CD86: variants seen among roughly 807,000 people sequenced by gnomAD.
CD86 encodes the protein CD86 molecule.
A neutral mutation model predicts 32.1 loss-of-function variants in CD86; 11 were observed. The ratio of observed to expected loss-of-function variants is 0.34; its 90% CI spans 0.22 to 0.57. CD86 has a LOEUF of 0.57. Ranked by LOEUF, CD86 falls within the 20% of genes least tolerant of loss-of-function variation. CD86 has a pLI of 0.86. For missense variants in CD86, 359 were observed against 398.4 expected (o/e 0.90, Z 0.84); for synonymous variants, 137 against 135.3 (o/e 1.01, Z -0.09).
At chr3:122,060,931 G>GA (rs963845392) in intron 1 of CD86, among the ~76,000 whole-genome samples, 26 of 151,508 alleles carry the variant, frequency 1.7e-4, no homozygotes, top group South Asian at 4.2e-4. Flanking sequence ...AACAGAATGG[G>GA]AAAAAAAACC....
intron 4 of CD86, among the ~76,000 whole-genome samples, chr3:122,108,006 T>G (rs1231711150): frequency 6.6e-6 from 1 of 152,220 alleles, no homozygotes; most frequent in African/African-American, 2.4e-5. Context: ...AATGTGTAAT[T>G]AGTTTGATTG....
intron 1 of CD86, among the ~76,000 whole-genome samples, chr3:122,085,832 T>C (rs775256804): frequency 2.6e-5 from 4 of 152,202 alleles, no homozygotes; most frequent in Non-Finnish European, 5.9e-5. Flanking sequence ...ACTGGAGCTC[T>C]ACTCTCCTCT....
At chr3:122,076,262 G>T (rs566135222) in intron 1 of CD86, among the ~76,000 whole-genome samples, 48 of 152,156 alleles carry the variant, frequency 3.2e-4, no homozygotes, top group Admixed American at 5.9e-4. Flanking sequence ...AAAGTTTGGG[G>T]AATACTACTC....
intron 3 of CD86, among the ~76,000 whole-genome samples, chr3:122,105,298 T>G (rs2073073763): frequency 6.6e-6 from 1 of 152,224 alleles, no homozygotes; most frequent in South Asian, 2.1e-4. Context: ...GTCTGGCAAT[T>G]CACCTTCTAC....
chr3:122,103,975 A>C (rs2073052216), intron 3 of CD86, 128 bp downstream of exon 3: 1 of 701,210 alleles, frequency 1.4e-6, no homozygotes, highest in African/African-American at 1.8e-5. Flanking sequence ...GAGAAGGCAG[A>C]GGACAGCCAC....
intron 1 of CD86, among the ~76,000 whole-genome samples, chr3:122,056,685 C>G (rs2072243406): frequency 6.6e-6 from 1 of 152,210 alleles, no homozygotes; most frequent in Admixed American, 6.5e-5. Flanking sequence ...TAACTTTCAT[C>G]TACCCAGTGC....
At chr3:122,114,749 G>GA (rs958083209) in intron 5 of CD86, among the ~76,000 whole-genome samples, 61 of 151,768 alleles carry the variant, frequency 4.0e-4, no homozygotes, top group African/African-American at 1.4e-3. Context: ...AAACTAAAAA[G>GA]AAAAAAACAT....
intron 4 of CD86, among the ~76,000 whole-genome samples, chr3:122,108,383 C>T (rs897859800): frequency 6.6e-6 from 1 of 152,184 alleles, no homozygotes; most frequent in South Asian, 2.1e-4. Flanking sequence ...GTGGAATAGA[C>T]TGGGACAGAC....
At chr3:122,115,665 G>A (rs758464269) in intron 5 of CD86, among the ~76,000 whole-genome samples, 19 of 149,838 alleles carry the variant, frequency 1.3e-4, no homozygotes, top group Admixed American at 2.0e-4. Context: ...GCTTGAACCC[G>A]GGAGGCAGAG....
chr3:122,119,601 C>A lies in CD86; in HGVS notation c.*67C>A, dbSNP rs144568590. The A allele has an allele frequency of 9.1e-5, 92 of 1,012,280 alleles. No homozygotes were observed. In the East Asian group the frequency reaches 2.1e-3, roughly 23 times the overall value. 62.7% of individuals were successfully genotyped at this position (1,012,280 alleles called of 1,614,324 possible). Reference sequence around the variant, plus strand: ...TTTCCTTTGTAAGTTCCTGGGCAACCTTTTTGATTTCTTCCAGAAGGCAAA... The same window carrying A: ...TTTCCTTTGTAAGTTCCTGGGCAACATTTTTGATTTCTTCCAGAAGGCAAA... On this transcript the variant is annotated 3_prime_UTR_variant, in exon 7 of 7. Coordinates refer to ENST00000330540, the MANE Select transcript of CD86 (RefSeq NM_175862.5).
intron 1 of CD86, among the ~76,000 whole-genome samples, chr3:122,071,244 C>A (rs935352588): frequency 6.6e-6 from 1 of 152,120 alleles, no homozygotes; most frequent in Admixed American, 6.6e-5. Flanking sequence ...TACAGAATAG[C>A]TTCACTGCCC....
At chr3:122,067,188 G>A (rs879675989) in intron 1 of CD86, among the ~76,000 whole-genome samples, 3 of 152,192 alleles carry the variant, frequency 2.0e-5, no homozygotes, top group East Asian at 3.8e-4. Context: ...TTGAATTCAC[G>A]CTTTGAAAGG....
chr3:122,075,844 G>C (rs2072547672), intron 1 of CD86, among the ~76,000 whole-genome samples: 2 of 152,200 alleles, frequency 1.3e-5, no homozygotes, highest in South Asian at 4.1e-4. Context: ...TGCTATGGAA[G>C]GGAAAACAAT....
intron 1 of CD86, among the ~76,000 whole-genome samples, chr3:122,083,808 A>G (rs1325552629): frequency 2.0e-5 from 3 of 152,194 alleles, no homozygotes; most frequent in African/African-American, 7.2e-5. Flanking sequence ...TGCCACCAAA[A>G]AATTTAAAAT....
chr3:122,091,532 G>A (rs1045273266), intron 1 of CD86, 69 bp from the exon 2 acceptor site: 2 of 1,268,528 alleles, frequency 1.6e-6, no homozygotes, highest in Admixed American at 1.7e-5. Context: ...TCCAGGTCAT[G>A]TTTTGGTGAA....
intron 1 of CD86, among the ~76,000 whole-genome samples, chr3:122,073,992 T>C (rs2072524091): frequency 6.6e-6 from 1 of 152,162 alleles, no homozygotes; most frequent in African/African-American, 2.4e-5. Context: ...TTCAAGAAGT[T>C]CACCTGGTAA....
chr3:122,068,741 C>G (rs2072448605), intron 1 of CD86, among the ~76,000 whole-genome samples: 1 of 151,994 alleles, frequency 6.6e-6, no homozygotes, highest in Non-Finnish European at 1.5e-5. Context: ...AATAATAGAC[C>G]ATCTTTTGTA....
chr3:122,066,594 A>G (rs1365584932), intron 1 of CD86, among the ~76,000 whole-genome samples: 1 of 152,178 alleles, frequency 6.6e-6, no homozygotes, highest in Non-Finnish European at 1.5e-5. Context: ...TTTTTAAAAA[A>G]TATTTATTGT....
chr3:122,079,774 C>G (rs1373793993), intron 1 of CD86, among the ~76,000 whole-genome samples: 1 of 152,200 alleles, frequency 6.6e-6, no homozygotes, highest in Non-Finnish European at 1.5e-5. Flanking sequence ...GTCTTCAGCA[C>G]TTTCCACCTC....
Sources: gnomAD v4.1 joint callset for allele counts (sites outside exome capture counted in the v4.1 genomes callset) on GRCh38, gnomAD v4.1.1 for gene constraint, MANE v1.5 for transcripts, NCBI Gene and HGNC (gene_info 2026-07-23, HGNC 2026-07-21) for gene names.